LMX1B: variants seen among roughly 807,000 people sequenced by gnomAD.
The protein encoded by LMX1B is LIM homeobox transcription factor 1-beta.
A neutral mutation model predicts 51.4 loss-of-function variants in LMX1B; 12 were observed. The ratio of observed to expected loss-of-function variants is 0.23; its 90% CI spans 0.15 to 0.38. The LOEUF (loss-of-function observed/expected upper bound fraction) is 0.38, where lower values mean the gene tolerates loss of function less well. LMX1B is among the 10% of genes least tolerant of loss of function. The pLI is 1.00. For missense variants in LMX1B, 445 were observed against 571.1 expected, an observed-to-expected ratio of 0.78 and a Z score of 2.25; for synonymous variants, 237 against 235.4, an observed-to-expected ratio of 1.01 and a Z score of -0.06.
chr9:126,636,977 G>A (rs1029499978), intron 2 of LMX1B, among the ~76,000 whole-genome samples: 2 of 152,330 alleles, frequency 1.3e-5, no homozygotes, highest in South Asian at 4.1e-4. Context: ...AGGAAGCCTT[G>A]GGCAAGAGGG....
chr9:126,626,115 C>T lies in LMX1B; in HGVS notation c.326+10546C>T, dbSNP rs758530109. 1.3e-5 allele frequency among the ~76,000 whole-genome samples: 2 copies of T among 152,204 alleles called. No individual in the cohort carries two copies. Among genetic ancestry groups the T allele is most frequent in the Non-Finnish European group, 2.9e-5 (2 of 68,034 alleles). On this transcript the variant is annotated intron_variant, in intron 2 of 7. Coordinates refer to ENST00000373474, the MANE Select transcript of LMX1B (RefSeq NM_001174147.2). This position sits in a 1 kb window ranked among gnomAD's most constrained non-coding sequence, Gnocchi z 4.3. ...AGTCAGTGGAACCGGAGGGGGACTT[C>T]GGAGGAATTTGTCTCTGATGTCCCG...
chr9:126,665,466 A>T (rs1836324493), intron 2 of LMX1B, among the ~76,000 whole-genome samples: 1 of 152,234 alleles, frequency 6.6e-6, no homozygotes. Context: ...AGTGTTGGAG[A>T]AAAGGCTCGC....
chr9:126,682,044 C>T (rs1836684954), intron 2 of LMX1B, among the ~76,000 whole-genome samples: 1 of 148,710 alleles, frequency 6.7e-6, no homozygotes, highest in Non-Finnish European at 1.5e-5. Context: ...TCTGCTCCAG[C>T]CACACCCCAG....
rs977565591 is a variant in LMX1B, at chr9:126,625,415, C to T, written c.326+9846C>T. On this transcript the variant is annotated intron_variant, in intron 2 of 7. Coordinates refer to ENST00000373474, the MANE Select transcript of LMX1B (RefSeq NM_001174147.2). The surrounding 1 kb of genome is among the most constrained non-coding windows in gnomAD (Gnocchi z 5.3). ...ACCGAGAGCACGGGTCCTGCTCTGT[C>T]CCCTCTTCCCAGGAAAGGTGGCACT... 1.1e-4 allele frequency among the ~76,000 whole-genome samples: 16 copies of T among 152,210 alleles called. No homozygotes were observed. The highest frequency in any genetic ancestry group is 2.1e-4 in the Non-Finnish European group (14 of 68,046).
chr9:126,670,708 C>T (rs1393883062), intron 2 of LMX1B, among the ~76,000 whole-genome samples: 2 of 152,192 alleles, frequency 1.3e-5, no homozygotes, highest in Admixed American at 1.3e-4. Context: ...GGTGGCAGTA[C>T]AGTCAGTCCT....
chr9:126,666,828 C>T (rs1490214340), intron 2 of LMX1B, among the ~76,000 whole-genome samples: 1 of 152,098 alleles, frequency 6.6e-6, no homozygotes, highest in Non-Finnish European at 1.5e-5. Context: ...GGATGAGGGC[C>T]TGCAGAGGGG....
rs975824723 is a variant in LMX1B, at chr9:126,697,626, C to G, written c.*1175C>G. 2 of 152,324 alleles carry G rather than the reference C, an allele frequency of 1.3e-5. No homozygotes were observed. Among genetic ancestry groups the G allele is most frequent in the Admixed American group, 6.5e-5 (1 of 15,276 alleles). The allele number at this position is 152,324 out of a possible 1,614,324, so 9.4% of individuals were successfully genotyped here. ...GTGGGGCAGGTATCACTTCACCTTC[C>G]CACTGATGTCAGCCGGCCAGAAGTG... On this transcript the variant is annotated 3_prime_UTR_variant, in exon 8 of 8. Coordinates refer to ENST00000373474, the MANE Select transcript of LMX1B (RefSeq NM_001174147.2).
At chr9:126,650,006 C>G (rs1310458970) in intron 2 of LMX1B, among the ~76,000 whole-genome samples, 4 of 152,210 alleles carry the variant, frequency 2.6e-5, no homozygotes. Context: ...AAGCTTGGCA[C>G]CTGCTGTGCC....
chr9:126,650,165 G>A (rs893246504), intron 2 of LMX1B, among the ~76,000 whole-genome samples: 4 of 152,152 alleles, frequency 2.6e-5, no homozygotes, highest in Non-Finnish European at 4.4e-5. Context: ...GGACTCCTGA[G>A]CCCACTGAGG....
chr9:126,632,135 G>T (rs758248523), intron 2 of LMX1B, among the ~76,000 whole-genome samples: 1 of 152,214 alleles, frequency 6.6e-6, no homozygotes, highest in African/African-American at 2.4e-5. Context: ...TGCACGTAAA[G>T]AACCTACCTT....
chr9:126,678,705 A>G (rs559119633), intron 2 of LMX1B, among the ~76,000 whole-genome samples: 18 of 152,350 alleles, frequency 1.2e-4, no homozygotes, highest in Non-Finnish European at 2.1e-4. Flanking sequence ...CAAATTAACC[A>G]AAGAGTCCAT....
In LMX1B at chr9:126,626,952, G is replaced by C. The variant is rs1434457484; in HGVS notation, c.326+11383G>C. The stretch of plus-strand genomic sequence containing the variant: ...GCCCGCAGCGTCCGCCGGTCCGTCC[G>C]GGCTCCTCTGCAGGGAAGAGGCCTT... On this transcript the variant is annotated intron_variant, in intron 2 of 7. Coordinates refer to ENST00000373474, the MANE Select transcript of LMX1B (RefSeq NM_001174147.2). This position sits in a 1 kb window ranked among gnomAD's most constrained non-coding sequence, Gnocchi z 4.3. 6.6e-6 allele frequency among the ~76,000 whole-genome samples: 1 copy of C among 152,208 alleles called. No homozygotes were observed. The highest frequency in any genetic ancestry group is 2.4e-5 in the African/African-American group (1 of 41,450).
At chr9:126,687,472 C>T (rs1474069925) in intron 2 of LMX1B, among the ~76,000 whole-genome samples, 3 of 152,092 alleles carry the variant, frequency 2.0e-5, no homozygotes, top group South Asian at 4.2e-4. Flanking sequence ...TTAAGTGATC[C>T]GCCCGCCTCA....
intron 2 of LMX1B, among the ~76,000 whole-genome samples, chr9:126,674,306 A>C (rs1836515475): frequency 6.6e-6 from 1 of 152,098 alleles, no homozygotes; most frequent in Admixed American, 6.5e-5. Context: ...CTCTTCCTTT[A>C]TTAAAAAGTT....
At chr9:126,670,425 A>G (rs1452903305) in intron 2 of LMX1B, among the ~76,000 whole-genome samples, 1 of 152,212 alleles carries the variant, frequency 6.6e-6, no homozygotes, top group Non-Finnish European at 1.5e-5. Flanking sequence ...ATGTGAGTGT[A>G]TGTGGCCAGT....
intron 2 of LMX1B, among the ~76,000 whole-genome samples, chr9:126,633,380 T>TCATGTCATTGTGAAGGAA (rs1484859461): frequency 6.6e-6 from 1 of 152,222 alleles, no homozygotes; most frequent in Non-Finnish European, 1.5e-5. Flanking sequence ...CATCCGTGTG[T>TCATGTCATTGTGAAGGAA]CATGTCATTG....
intron 7 of LMX1B, 52 bp from the exon 8 acceptor site, chr9:126,696,242 C>T (rs2030327514): frequency 1.3e-6 from 2 of 1,572,854 alleles, no homozygotes; most frequent in Non-Finnish European, 1.7e-6. Context: ...AACAGGGGGC[C>T]CCCAGGAGCC....
At chr9:126,651,299 G>C (rs188245748) in intron 2 of LMX1B, among the ~76,000 whole-genome samples, 3 of 151,810 alleles carry the variant, frequency 2.0e-5, no homozygotes, top group East Asian at 1.9e-4. Flanking sequence ...GGAGGGACTG[G>C]GGGGGGTGGC....
chr9:126,619,832 G>A (rs1298609955), intron 2 of LMX1B, among the ~76,000 whole-genome samples: 1 of 152,140 alleles, frequency 6.6e-6, no homozygotes, highest in Non-Finnish European at 1.5e-5. Flanking sequence ...GGGGAAGCAG[G>A]CTGGGAGGAT....
Sources: allele counts gnomAD v4.1 joint callset (sites outside exome capture counted in the v4.1 genomes callset), GRCh38; gene constraint gnomAD v4.1.1; non-coding constraint Gnocchi (gnomAD v3.1); transcripts MANE v1.5; gene names NCBI Gene and HGNC (gene_info 2026-07-23, HGNC 2026-07-21).